The following PRKG1 variants were observed in gnomAD, a reference collection of about 807,000 sequenced individuals.
The protein encoded by PRKG1 is protein kinase cGMP-dependent 1.
A neutral mutation model predicts 88.1 loss-of-function variants in PRKG1; 35 were observed. The ratio of observed to expected loss-of-function variants is 0.40; its 90% confidence interval spans 0.30 to 0.53. PRKG1 has a LOEUF of 0.53. Among genes scored for constraint, PRKG1 ranks in the 20% least tolerant of loss-of-function variants. PRKG1 has a pLI of 0.59. For synonymous variants in PRKG1, 303 were observed against 292.5 expected, an observed-to-expected ratio of 1.04 and a Z score of -0.37; for missense variants, 540 against 839.8, an observed-to-expected ratio of 0.64 and a Z score of 4.41.
chr10:52,091,063 G>T (rs1205614444), intron 7 of PRKG1, among the ~76,000 whole-genome samples: 1 of 152,044 alleles, frequency 6.6e-6, no homozygotes. Context: ...AGTCTCAGTG[G>T]GCTTGGCTGA....
At chr10:52,157,033 A>G (rs1219902321) in intron 8 of PRKG1, among the ~76,000 whole-genome samples, 4 of 151,382 alleles carry the variant, frequency 2.6e-5, no homozygotes, top group Admixed American at 2.6e-4. Context: ...GACTTATAAC[A>G]TTTCACTATT....
At chr10:51,156,323 A>ACACACACACACACACACC (rs796364856) in intron 2 of PRKG1, among the ~76,000 whole-genome samples, 3,996 of 151,092 alleles carry the variant, frequency 0.026, 76 homozygotes, top group Non-Finnish European at 0.04. Context: ...AAACACACAC[A>ACACACACACACACACACC]CCCGAATGTA....
chr10:51,232,377 G>A (rs748542986), intron 2 of PRKG1, among the ~76,000 whole-genome samples: 3 of 152,156 alleles, frequency 2.0e-5, no homozygotes, highest in Admixed American at 6.5e-5. Flanking sequence ...ATTAGATTTG[G>A]TTACTGAAGG....
chr10:51,882,043 A>T (rs554230281), intron 4 of PRKG1, among the ~76,000 whole-genome samples: 1 of 152,282 alleles, frequency 6.6e-6, no homozygotes, highest in Non-Finnish European at 1.5e-5. Flanking sequence ...ATGTGTGAGG[A>T]CTGTAATAGG....
rs138618890 is a variant in PRKG1 at position 51,971,089 on chromosome 10, C to T, written c.762+63519C>T. Among the ~76,000 whole-genome samples the T allele has an allele frequency of 9.2e-4, 139 of 151,814 alleles. 3 individuals carry two copies. In the East Asian group the frequency reaches 0.025, roughly 27 times the overall value. On this transcript the variant is annotated intron_variant, in intron 5 of 17. Coordinates refer to ENST00000373980, the MANE Select transcript of PRKG1 (RefSeq NM_006258.4). ...AATATGATTCTAAACAAAAGAAGAA[C>T]AGAGTATTTGGCTGAAAACAAGCAA...
At chr10:52,233,163 C>T (rs561852528) in intron 9 of PRKG1, among the ~76,000 whole-genome samples, 3 of 126,446 alleles carry the variant, frequency 2.4e-5, no homozygotes, top group East Asian at 4.8e-4. Context: ...AACTTAATAA[C>T]TTAGGTGAGG....
intron 8 of PRKG1, among the ~76,000 whole-genome samples, chr10:52,158,567 G>A: frequency 6.6e-6 from 1 of 151,582 alleles, no homozygotes; most frequent in East Asian, 1.9e-4. Flanking sequence ...GATCAGTACA[G>A]GGATCTGCAG....
At chr10:51,417,415 G>A (rs1838271395) in intron 2 of PRKG1, among the ~76,000 whole-genome samples, 1 of 152,204 alleles carries the variant, frequency 6.6e-6, no homozygotes, top group Non-Finnish European at 1.5e-5. Context: ...ATGAAAGATA[G>A]AGGGTTTAAT....
chr10:51,729,734 A>AAAAG (rs1842227073), intron 3 of PRKG1, among the ~76,000 whole-genome samples: 2 of 148,326 alleles, frequency 1.3e-5, no homozygotes, highest in African/African-American at 2.5e-5. Context: ...AAAAAAAAAA[A>AAAAG]GGATGAGAAA....
intron 2 of PRKG1, among the ~76,000 whole-genome samples, chr10:51,261,358 A>G (rs1395893965): frequency 6.6e-6 from 1 of 152,228 alleles, no homozygotes; most frequent in Non-Finnish European, 1.5e-5. Flanking sequence ...TGTTTGGGGT[A>G]TTATGATATA....
chr10:51,105,718 T>G (rs12416065), intron 1 of PRKG1, among the ~76,000 whole-genome samples: 38,119 of 151,972 alleles, frequency 0.25, 4,807 homozygotes, highest in African/African-American at 0.28. Flanking sequence ...AAAAATAATT[T>G]TAAAAATTGA....
chr10:51,725,177 C>T (rs975336405), intron 3 of PRKG1, among the ~76,000 whole-genome samples: 3 of 152,122 alleles, frequency 2.0e-5, no homozygotes, highest in Non-Finnish European at 2.9e-5. Context: ...CAAGGTGTTA[C>T]CAATAGTTTG....
At position 52,051,036 on chromosome 10, in the gene PRKG1, G is replaced by A. The variant is rs148480654; in HGVS notation, c.763-3448G>A. On this transcript the variant is annotated intron_variant, in intron 5 of 17. Coordinates refer to ENST00000373980, the MANE Select transcript of PRKG1 (RefSeq NM_006258.4). ...CTGTTAAACATCCTGCAGCAAAACT[G>A]GATGTACAGGACATCTCCCTACAAT... Among the ~76,000 whole-genome samples, 7 of 152,192 alleles carry A rather than the reference G, an allele frequency of 4.6e-5. No homozygotes were observed. The East Asian group carries it at 1.4e-3, about 29-fold the overall frequency.
At chr10:51,271,988 G>T (rs1392909257) in intron 2 of PRKG1, among the ~76,000 whole-genome samples, 1 of 152,068 alleles carries the variant, frequency 6.6e-6, no homozygotes, top group Non-Finnish European at 1.5e-5. Flanking sequence ...TTGAAGAATG[G>T]CCACACTGTC....
chr10:51,061,060 G>GGGGTGTGTGTGTGT (rs1491449534), intron 1 of PRKG1, among the ~76,000 whole-genome samples: 102 of 147,162 alleles, frequency 6.9e-4, no homozygotes, highest in Middle Eastern at 6.9e-3. Flanking sequence ...TATACCTAGG[G>GGGGTGTGTGTGTGT]GTGTGTGTGT....
chr10:51,953,055 TA>T (rs1843222475), intron 5 of PRKG1, among the ~76,000 whole-genome samples: 3 of 152,214 alleles, frequency 2.0e-5, no homozygotes. Flanking sequence ...TAAATTTCTT[TA>T]GCTTTTTCTG....
chr10:51,771,364 T>A (rs1838300354), intron 3 of PRKG1, among the ~76,000 whole-genome samples: 2 of 152,174 alleles, frequency 1.3e-5, no homozygotes, highest in African/African-American at 4.8e-5. Context: ...AAAAAAGAGT[T>A]GTACCTGGAA....
intron 2 of PRKG1, among the ~76,000 whole-genome samples, chr10:51,257,103 C>T (rs1198080258): frequency 2.0e-5 from 3 of 151,152 alleles, no homozygotes; most frequent in African/African-American, 7.3e-5. Flanking sequence ...AGCAAAATTC[C>T]TAGGTGTCGA....
intron 3 of PRKG1, chr10:51,695,892 T>C (rs1841278425): frequency 6.6e-6 from 1 of 152,222 alleles, no homozygotes; most frequent in African/African-American, 2.4e-5. Flanking sequence ...AACTAGATAT[T>C]GGTTTTTCTT....
Sources: allele counts gnomAD v4.1 joint callset (sites outside exome capture counted in the v4.1 genomes callset), GRCh38; gene constraint gnomAD v4.1.1; transcripts MANE v1.5; gene names NCBI Gene and HGNC (gene_info 2026-07-23, HGNC 2026-07-21).